The following DHX37 variants were observed in gnomAD, a reference collection of about 807,000 sequenced individuals.
DHX37 encodes the protein probable ATP-dependent RNA helicase DHX37.
Under a neutral mutation model 134.3 loss-of-function variants are expected in DHX37, and 52 were observed. The ratio of observed to expected loss-of-function variants is 0.39; its 90% confidence interval spans 0.31 to 0.49. DHX37 has a LOEUF of 0.49. Ranked by LOEUF, DHX37 falls within the 20% of genes least tolerant of loss-of-function variation. The pLI is 0.93. For synonymous variants in DHX37, 634 were observed against 670.7 expected, an observed-to-expected ratio of 0.95 and a Z score of 0.85; for missense variants, 1,344 against 1,580.8, an observed-to-expected ratio of 0.85 and a Z score of 2.54.
Position 124,989,012 on chromosome 12 carries a change from A to G in DHX37, c.11T>C (p.Leu4Pro). 7.3e-7 allele frequency: 1 copy of G among 1,371,386 alleles called. No homozygotes were observed. Among genetic ancestry groups the G allele is most frequent in the Non-Finnish European group, 9.5e-7 (1 of 1,054,862 alleles). 85.0% of individuals were successfully genotyped at this position (1,371,386 alleles called of 1,614,324 possible). A position where few individuals can be genotyped will look rare whatever the true frequency, so the allele number is the denominator to read the frequency against. The stretch of plus-strand genomic sequence containing the variant: ...CCCCTTGATGTTGTAGCGCCGGCGC[A>G]GCTTCCCCATGGCGACTAGGCCAGG... MGK[L>P]RRRYNIKGRQ... The change falls in exon 1 of 27, where the codon CTG becomes CCG. Residue 4 changes from leucine to proline, a missense_variant. Around this residue, in one of 7 missense-constraint regions of DHX37, gnomAD observed 319 missense variants for 296.1 expected, o/e 1.08. Coordinates refer to ENST00000308736, the MANE Select transcript of DHX37 (RefSeq NM_032656.4).
At chr12:124,963,766 G>A (rs1335523570) in intron 15 of DHX37, among the ~76,000 whole-genome samples, 3 of 150,178 alleles carry the variant, frequency 2.0e-5, no homozygotes, top group South Asian at 2.1e-4. Flanking sequence ...TGTAGTCCCA[G>A]CTACTCGGGA....
rs1954726964 is a variant in DHX37, at chr12:124,980,146, C to T, written c.738+344G>A. On this transcript the variant is annotated intron_variant, in intron 4 of 26. Coordinates refer to ENST00000308736, the MANE Select transcript of DHX37 (RefSeq NM_032656.4). This position sits in a 1 kb window ranked among gnomAD's most constrained non-coding sequence, Gnocchi z 5.3. Reference sequence around the variant, plus strand: ...GAGCTGGAGAGCAGGGGAATCAGCACTTGATTTCGGGTCAACTGATTCACA... The same window carrying T: ...GAGCTGGAGAGCAGGGGAATCAGCATTTGATTTCGGGTCAACTGATTCACA... Among the ~76,000 whole-genome samples, 2 of 152,262 alleles carry T rather than the reference C, an allele frequency of 1.3e-5. No homozygotes were observed. Among genetic ancestry groups the T allele is most frequent in the Admixed American group, 1.3e-4 (2 of 15,286 alleles).
chr12:124,960,416 A>C lies in DHX37; in HGVS notation c.2053T>G (p.Ser685Ala). 2 of 1,608,810 alleles carry C rather than the reference A, an allele frequency of 1.2e-6. No individual in the cohort carries two copies. Among genetic ancestry groups the C allele is most frequent in the Non-Finnish European group, 1.7e-6 (2 of 1,175,264 alleles). Residue 685 changes from serine (S) to alanine (A), a missense_variant, in exon 16 of 27, where the codon TCA (serine) becomes GCA (alanine). By Grantham distance (99) the Ser-to-Ala change is moderately conservative (BLOSUM62 1). Transcript: ENST00000308736. ...TEPGHCYRLY[S>A]SAVFGDFEQF... The stretch of plus-strand genomic sequence containing the variant: ...TCGAAGTCACCAAAAACCGCAGATG[A>C]ATACAGCCTGGATGGAGAGAAACCG...
chr12:124,980,942 T>C lies in DHX37; in HGVS notation c.390-104A>G. On this transcript the variant is annotated intron_variant, in intron 3 of 26. Transcript: ENST00000308736. This position sits in a 1 kb window ranked among gnomAD's most constrained non-coding sequence, Gnocchi z 5.3. ...TCTGCCTCAGGGACTTTGCACCTGC[T>C]GTTCCACTCCCTGAAATGCCCTTCC... 7.8e-7 allele frequency: 1 copy of C among 1,282,278 alleles called. No individual in the cohort carries two copies. Among genetic ancestry groups the C allele is most frequent in the African/African-American group, 1.5e-5 (1 of 66,354 alleles). 79.4% of individuals were successfully genotyped at this position (1,282,278 alleles called of 1,614,324 possible). A position where few individuals can be genotyped will look rare whatever the true frequency, so the allele number is the denominator to read the frequency against.
intron 16 of DHX37, 148 bp downstream of exon 16, chr12:124,960,164 A>G (rs927314037): frequency 2.4e-5 from 33 of 1,364,250 alleles, no homozygotes; most frequent in Non-Finnish European, 3.2e-5. Flanking sequence ...AGGAGCCCAG[A>G]AGCCCTGGGA....
chr12:124,950,622 A>G, intron 22 of DHX37, 68 bp downstream of exon 22: 2 of 1,570,948 alleles, frequency 1.3e-6, no homozygotes, highest in Non-Finnish European at 1.7e-6. Context: ...CCTCTGCCCC[A>G]GGGTCCCAGC....
chr12:124,950,942 G>A lies in DHX37; in HGVS notation c.2869-138C>T, dbSNP rs940365513. The A allele has an allele frequency of 7.9e-6, 10 of 1,267,546 alleles. No homozygotes were observed. The African/African-American group carries it at 1.2e-4, about 16-fold the overall frequency. The allele number at this position is 1,267,546 out of a possible 1,614,324, so 78.5% of individuals were successfully genotyped here. A position where few individuals can be genotyped will look rare whatever the true frequency, so the allele number is the denominator to read the frequency against. Reference sequence around the variant, plus strand: ...AGTGCTCCATCTGCCGGGAAATGCGGCCCATCCACACGCTGGAGTCTGATC... The same window carrying A: ...AGTGCTCCATCTGCCGGGAAATGCGACCCATCCACACGCTGGAGTCTGATC... On this transcript the variant is annotated intron_variant, in intron 21 of 26. Transcript: ENST00000308736.
intron 13 of DHX37, 82 bp from the exon 14 acceptor site, chr12:124,965,088 C>T (rs1285504735): frequency 6.9e-7 from 1 of 1,445,104 alleles, no homozygotes; most frequent in Non-Finnish European, 9.4e-7. Context: ...GCCCTGCACC[C>T]CCAGGCTGCT....
chr12:124,955,046 C>T (rs1007456292), intron 18 of DHX37, among the ~76,000 whole-genome samples: 2 of 152,214 alleles, frequency 1.3e-5, no homozygotes, highest in African/African-American at 4.8e-5. Flanking sequence ...ACTAGCATCA[C>T]GTGGGAGTCT....
At chr12:124,961,304 A>T (rs1566332790) in intron 15 of DHX37, among the ~76,000 whole-genome samples, 1 of 146,572 alleles carries the variant, frequency 6.8e-6, no homozygotes. Flanking sequence ...GCGTGCACGC[A>T]CGCACACACA....
chr12:124,962,516 C>G (rs1005052676), intron 15 of DHX37, among the ~76,000 whole-genome samples: 1 of 152,090 alleles, frequency 6.6e-6, no homozygotes, highest in African/African-American at 2.4e-5. Context: ...ATTAGCTGGG[C>G]GTGGTGGTGG....
rs1954371182 is a variant in DHX37 at position 124,965,732 on chromosome 12, A to C, written c.1671T>G (p.Asp557Glu). 2 of 1,613,734 alleles carry C rather than the reference A, an allele frequency of 1.2e-6. No homozygotes were observed. Among genetic ancestry groups the C allele is most frequent in the African/African-American group, 2.7e-5 (2 of 74,896 alleles). The change falls in exon 13 of 27, where the codon GAT becomes GAG. Residue 557 changes from aspartate to glutamate, a missense_variant. This residue lies in a region of DHX37 where 289 missense variants were observed against 323.8 expected (regional missense o/e 0.89). Coordinates refer to ENST00000308736, the MANE Select transcript of DHX37 (RefSeq NM_032656.4). ...CGGAGTCCAGGGCCCCCTCTTCCTCATCCACTTCTGCCTCCCTGTCCTCAT... is the reference window on the plus strand; with the variant it reads ...CGGAGTCCAGGGCCCCCTCTTCCTCCTCCACTTCTGCCTCCCTGTCCTCAT... ...EGDEDREAEV[D>E]EEEGALDSDL... is the part of the protein sequence containing the mutation.
rs937746869 is a variant in DHX37 at position 124,988,996 on chromosome 12, G to A, written c.27C>T (p.Asn9=). 2.2e-6 allele frequency: 3 copies of A among 1,371,216 alleles called. No homozygotes were observed. The highest frequency in any genetic ancestry group is 2.8e-6 in the Non-Finnish European group (3 of 1,054,798). The allele number at this position is 1,371,216 out of a possible 1,614,324, so 84.9% of individuals were successfully genotyped here. The change falls in exon 1 of 27, where the codon AAC becomes AAT. Residue 9 remains asparagine, a synonymous_variant. Coordinates refer to ENST00000308736, the MANE Select transcript of DHX37 (RefSeq NM_032656.4). MGKLRRRY[N]IKGRQQAGPG... ...GGCCCGCCTGCTGGCGCCCCTTGAT[G>A]TTGTAGCGCCGGCGCAGCTTCCCCA...
rs752553207 is a variant in DHX37, at chr12:124,952,460, G to C, written c.2806C>G (p.His936Asp). The C allele has an allele frequency of 3.1e-6, 5 of 1,611,244 alleles. No homozygotes were observed. Residue 936 changes from histidine to aspartate, a missense_variant, in exon 21 of 27, where the codon CAC (histidine) becomes GAC (aspartate). His to Asp is a moderately conservative substitution (Grantham distance 81, BLOSUM62 -1). This residue lies in a region of DHX37 where 558 missense variants were observed against 650.0 expected (regional missense o/e 0.86). Coordinates refer to ENST00000308736, the MANE Select transcript of DHX37 (RefSeq NM_032656.4). ...TCGCTCTGGACCCTGCGGGCCAAGT[G>C]GTCCCCCAGGCCTGCCGTCACGATC... ...RQIVTAGLGD[H>D]LARRVQSEEM...
At chr12:124,975,146 C>T (rs921949076) in intron 6 of DHX37, among the ~76,000 whole-genome samples, 3 of 152,216 alleles carry the variant, frequency 2.0e-5, no homozygotes, top group Admixed American at 2.0e-4. Context: ...CCGTGACTGC[C>T]TGCATCTGGC....
intron 12 of DHX37, 44 bp from the exon 13 acceptor site, chr12:124,965,856 G>C (rs772345572): frequency 1.9e-6 from 3 of 1,593,308 alleles, no homozygotes; most frequent in South Asian, 1.1e-5. Flanking sequence ...AGGGATCCTG[G>C]GTGTGAGGAC....
rs140218998 is a variant in DHX37, at chr12:124,966,801, G to T, written c.1582C>A (p.Arg528=). The change falls in exon 12 of 27, where the codon CGG becomes AGG. Residue 528 remains arginine, a synonymous_variant. Transcript: ENST00000308736. ...KKSRARAKKA[R]AEVLPQINLD... ...GCCAGCCCCCCACGTACCTCAGCCC[G>T]CGCCTTCTTGGCCCTGGCCCTTGAC... 1.2e-6 allele frequency: 2 copies of T among 1,614,222 alleles called. No homozygotes were observed. Among genetic ancestry groups the T allele is most frequent in the South Asian group, 2.2e-5 (2 of 91,092 alleles).
At chr12:124,958,927 T>G (rs1197101033) in intron 16 of DHX37, among the ~76,000 whole-genome samples, 8 of 133,608 alleles carry the variant, frequency 6.0e-5, no homozygotes, top group East Asian at 4.0e-4. Flanking sequence ...TTTTTTTTTT[T>G]GGGACGGAGT....
chr12:124,970,244 G>A (rs541861190), intron 8 of DHX37, among the ~76,000 whole-genome samples: 2 of 152,326 alleles, frequency 1.3e-5, no homozygotes, highest in South Asian at 4.1e-4. Flanking sequence ...ACAGTGCTGG[G>A]ATTACAGGCG....
Sources: gnomAD v4.1 joint callset for allele counts (sites outside exome capture counted in the v4.1 genomes callset) on GRCh38, gnomAD v4.1.1 for gene constraint, gnomAD v4.1.1 regional missense constraint, Gnocchi (gnomAD v3.1) non-coding constraint, MANE v1.5 for transcripts, NCBI Gene and HGNC (gene_info 2026-07-23, HGNC 2026-07-21) for gene names.